Variants in KANSL1L observed in about 807,000 individuals in gnomAD.
KANSL1L encodes the protein KAT8 regulatory NSL complex subunit 1 like.
In KANSL1L, 25 loss-of-function variants were observed where a neutral mutation model predicts 108.6. That is an observed-to-expected ratio of 0.23 (90% CI 0.17 to 0.32). The LOEUF (loss-of-function observed/expected upper bound fraction) is 0.32, where lower values mean the gene tolerates loss of function less well. Ranked by LOEUF, KANSL1L falls within the 10% of genes least tolerant of loss-of-function variation. The probability of loss-of-function intolerance (pLI) is 1.00; values close to 1 mark genes in which losing one functional copy is unlikely to be tolerated. For synonymous variants in KANSL1L, 405 were observed against 395.1 expected, an observed-to-expected ratio of 1.03 and a Z score of -0.30; for missense variants, 1,137 against 1,125.7, an observed-to-expected ratio of 1.01 and a Z score of -0.14.
At chr2:210,051,799 G>C (rs1041172218) in intron 6 of KANSL1L, among the ~76,000 whole-genome samples, 1 of 151,994 alleles carries the variant, frequency 6.6e-6, no homozygotes, top group Non-Finnish European at 1.5e-5. Flanking sequence ...TTAGGAGTGG[G>C]CTGTTTATTT....
intron 6 of KANSL1L, among the ~76,000 whole-genome samples, chr2:210,074,220 T>C (rs1325862182): frequency 6.6e-6 from 1 of 152,156 alleles, no homozygotes; most frequent in East Asian, 1.9e-4. Context: ...TTCATCTTTG[T>C]TCCAATTATT....
intron 1 of KANSL1L, among the ~76,000 whole-genome samples, chr2:210,163,872 A>G (rs1167597307): frequency 6.6e-6 from 1 of 152,142 alleles, no homozygotes; most frequent in African/African-American, 2.4e-5. Context: ...AGAATATTTT[A>G]TGGCACATAG....
chr2:210,075,042 G>T (rs1160198074), intron 6 of KANSL1L, among the ~76,000 whole-genome samples: 7 of 152,116 alleles, frequency 4.6e-5, no homozygotes, highest in African/African-American at 9.7e-5. Context: ...TGTAAAAATT[G>T]TAAGCATGAG....
At chr2:210,150,345 T>A (rs1448384866) in intron 2 of KANSL1L, among the ~76,000 whole-genome samples, 1 of 152,198 alleles carries the variant, frequency 6.6e-6, no homozygotes, top group South Asian at 2.1e-4. Flanking sequence ...AAAAAAATTT[T>A]TTTTCTATCA....
intron 11 of KANSL1L, 135 bp from the exon 12 acceptor site, chr2:210,027,485 T>G: frequency 1.6e-6 from 1 of 616,592 alleles, no homozygotes; most frequent in South Asian, 2.1e-5. Context: ...AATACTTAAT[T>G]TTTTAAAAGA....
At chr2:210,033,439 A>G (rs1258653348) in intron 8 of KANSL1L, among the ~76,000 whole-genome samples, 2 of 152,352 alleles carry the variant, frequency 1.3e-5, no homozygotes, top group East Asian at 1.9e-4. Context: ...ATTTAAGCAA[A>G]TCATAGACAA....
At chr2:210,048,352 T>G (rs2094248701) in intron 6 of KANSL1L, among the ~76,000 whole-genome samples, 1 of 152,136 alleles carries the variant, frequency 6.6e-6, no homozygotes, top group Non-Finnish European at 1.5e-5. Context: ...TATTTTCCAT[T>G]TATTATTTCT....
At chr2:210,092,627 C>T (rs1188271266) in intron 5 of KANSL1L, among the ~76,000 whole-genome samples, 1 of 152,166 alleles carries the variant, frequency 6.6e-6, no homozygotes, top group Non-Finnish European at 1.5e-5. Context: ...TATCTGAAAA[C>T]TTTATGATCT....
At chr2:210,115,654 C>G (rs1275942097) in intron 3 of KANSL1L, among the ~76,000 whole-genome samples, 1 of 152,170 alleles carries the variant, frequency 6.6e-6, no homozygotes, top group Non-Finnish European at 1.5e-5. Context: ...GACATCACAG[C>G]CTAAATTTAC....
intron 3 of KANSL1L, among the ~76,000 whole-genome samples, chr2:210,105,520 G>C (rs1173802879): frequency 6.6e-6 from 1 of 151,188 alleles, no homozygotes; most frequent in African/African-American, 2.4e-5. Context: ...TTCAAAAATG[G>C]AATGAATTAA....
chr2:210,049,608 T>C (rs2094266586), intron 6 of KANSL1L, among the ~76,000 whole-genome samples: 1 of 151,956 alleles, frequency 6.6e-6, no homozygotes, highest in South Asian at 2.1e-4. Context: ...AAAAGAAAAA[T>C]TTTCTTTCAA....
intron 3 of KANSL1L, among the ~76,000 whole-genome samples, chr2:210,115,941 T>C (rs1301284310): frequency 6.6e-6 from 1 of 152,120 alleles, no homozygotes; most frequent in Non-Finnish European, 1.5e-5. Context: ...TTGAACACTA[T>C]CCACATAAAA....
chr2:210,157,783 G>C (rs889324933), intron 1 of KANSL1L, among the ~76,000 whole-genome samples: 2 of 150,870 alleles, frequency 1.3e-5, no homozygotes, highest in East Asian at 3.9e-4. Context: ...AGGCCTAAGA[G>C]GTGGATCGTT....
At chr2:210,031,139 C>T in intron 9 of KANSL1L, 1 of 273,122 alleles carries the variant, frequency 3.7e-6, no homozygotes, top group Non-Finnish European at 6.8e-6. Context: ...GCATAGAACA[C>T]AACTTTGAAG....
rs1294484130 is a variant in KANSL1L, at chr2:210,022,748, C to G, written c.*201G>C. 1.8e-6 allele frequency: 1 copy of G among 541,634 alleles called. No homozygotes were observed. The highest frequency in any genetic ancestry group is 3.4e-5 in the Admixed American group (1 of 29,396). 33.6% of individuals were successfully genotyped at this position (541,634 alleles called of 1,614,324 possible). ...TTGCATGATAAACACAAATGACTAC[C>G]ACTTGTCTGTAGATGAAAATCTGGT... On this transcript the variant is annotated 3_prime_UTR_variant, in exon 15 of 15. Coordinates refer to ENST00000281772, the MANE Select transcript of KANSL1L (RefSeq NM_152519.4).
intron 6 of KANSL1L, among the ~76,000 whole-genome samples, chr2:210,075,093 G>A (rs531535337): frequency 2.6e-4 from 40 of 152,080 alleles, no homozygotes; most frequent in Non-Finnish European, 4.4e-4. Context: ...AGAAGGAAAA[G>A]GAGCACTCAA....
At chr2:210,137,929 G>A (rs748264316) in intron 2 of KANSL1L, among the ~76,000 whole-genome samples, 33 of 152,072 alleles carry the variant, frequency 2.2e-4, no homozygotes, top group South Asian at 4.1e-4. Flanking sequence ...TACTTGGGAG[G>A]CTGAGTTAAG....
At chr2:210,150,358 T>G (rs1447731940) in intron 2 of KANSL1L, among the ~76,000 whole-genome samples, 1 of 152,250 alleles carries the variant, frequency 6.6e-6, no homozygotes, top group Non-Finnish European at 1.5e-5. Context: ...TTCTATCATT[T>G]GAATTTCACC....
intron 6 of KANSL1L, among the ~76,000 whole-genome samples, chr2:210,067,934 G>C (rs913244247): frequency 1.3e-5 from 2 of 151,918 alleles, no homozygotes; most frequent in Non-Finnish European, 2.9e-5. Context: ...CTGGAGTGCA[G>C]TGGCACAATC....
Sources: allele counts gnomAD v4.1 joint callset (sites outside exome capture counted in the v4.1 genomes callset), GRCh38; gene constraint gnomAD v4.1.1; transcripts MANE v1.5; gene names NCBI Gene and HGNC (gene_info 2026-07-23, HGNC 2026-07-21).